GPC5: variants seen among roughly 807,000 people sequenced by gnomAD.
GPC5 encodes glypican-5.
A neutral mutation model predicts 53.9 loss-of-function variants in GPC5; 47 were observed. The observed-to-expected ratio is 0.87, with a 90% CI of 0.69 to 1.11. GPC5 has a LOEUF of 1.11. Among genes scored for constraint, GPC5 ranks in the 50% most tolerant of loss-of-function variants. GPC5 has a pLI of 0.00. For missense variants in GPC5, 748 were observed against 713.1 expected, an observed-to-expected ratio of 1.05 and a Z score of -0.56; for synonymous variants, 286 against 263.3, an observed-to-expected ratio of 1.09 and a Z score of -0.84.
chr13:92,534,660 A>C (rs1881666657), intron 7 of GPC5, among the ~76,000 whole-genome samples: 1 of 152,184 alleles, frequency 6.6e-6, no homozygotes, highest in African/African-American at 2.4e-5. Flanking sequence ...TATATGGAAA[A>C]ATATAAGATT....
At chr13:92,662,601 T>C (rs1211717840) in intron 7 of GPC5, among the ~76,000 whole-genome samples, 1 of 152,122 alleles carries the variant, frequency 6.6e-6, no homozygotes, top group Non-Finnish European at 1.5e-5. Flanking sequence ...GCCTACATGA[T>C]TTTTTCCTTT....
rs116365656 is a variant in GPC5 at position 92,293,907 on chromosome 13, A to T, written c.1561+148918A>T. 1.7e-3 allele frequency among the ~76,000 whole-genome samples: 253 copies of T among 152,186 alleles called. 2 individuals are homozygous for T. Among genetic ancestry groups the T allele is most frequent in the African/African-American group, 5.7e-3 (237 of 41,516 alleles). Reference sequence around the variant, plus strand: ...TGAAAGTCTTAATCATAAAGCAATAATGGATTTTGTCAAAATCTTTTTCTG... The same window carrying T: ...TGAAAGTCTTAATCATAAAGCAATATTGGATTTTGTCAAAATCTTTTTCTG... On this transcript the variant is annotated intron_variant, in intron 7 of 7. Coordinates refer to ENST00000377067, the MANE Select transcript of GPC5 (RefSeq NM_004466.6).
intron 5 of GPC5, among the ~76,000 whole-genome samples, chr13:91,856,848 G>A (rs1381675065): frequency 6.6e-6 from 1 of 151,118 alleles, no homozygotes; most frequent in Non-Finnish European, 1.5e-5. Context: ...TGAAGATGGG[G>A]CAGATTTTCT....
chr13:91,557,086 G>A (rs1383948678), intron 2 of GPC5, among the ~76,000 whole-genome samples: 1 of 152,018 alleles, frequency 6.6e-6, no homozygotes, highest in African/African-American at 2.4e-5. Flanking sequence ...GAGTTGCTGG[G>A]TCTTATGGTA....
At chr13:92,228,276 T>A (rs930088724) in intron 7 of GPC5, among the ~76,000 whole-genome samples, 2 of 151,954 alleles carry the variant, frequency 1.3e-5, no homozygotes, top group Non-Finnish European at 2.9e-5. Context: ...TCCAAAGAGT[T>A]GAATGAAACC....
chr13:91,930,247 A>G (rs1255621927), intron 6 of GPC5, among the ~76,000 whole-genome samples: 19 of 152,070 alleles, frequency 1.2e-4, no homozygotes, highest in Admixed American at 1.2e-3. Context: ...ATCAAGAGAA[A>G]AAAGAACACC....
intron 6 of GPC5, among the ~76,000 whole-genome samples, chr13:91,934,060 A>G (rs920405878): frequency 6.6e-6 from 1 of 151,874 alleles, no homozygotes; most frequent in Non-Finnish European, 1.5e-5. Context: ...CTGCTTTAAG[A>G]TAAGTCTTAG....
chr13:92,242,105 C>T (rs1023525593), intron 7 of GPC5, among the ~76,000 whole-genome samples: 1 of 151,914 alleles, frequency 6.6e-6, no homozygotes. Context: ...TGGTGGCAGG[C>T]ACCTGTAATC....
chr13:92,577,410 GTATGTA>G (rs1486919324), intron 7 of GPC5, among the ~76,000 whole-genome samples: 5 of 141,660 alleles, frequency 3.5e-5, no homozygotes, highest in African/African-American at 1.4e-4. Flanking sequence ...ATGTAAGTAT[GTATGTA>G]TATGTGTGTG....
intron 6 of GPC5, among the ~76,000 whole-genome samples, chr13:92,062,261 T>G (rs1375982512): frequency 1.3e-5 from 2 of 151,948 alleles, no homozygotes; most frequent in Non-Finnish European, 2.9e-5. Context: ...GATTTTCATC[T>G]ATAAAAGACA....
intron 2 of GPC5, among the ~76,000 whole-genome samples, chr13:91,585,677 A>G (rs1182020692): frequency 6.6e-6 from 1 of 152,156 alleles, no homozygotes; most frequent in African/African-American, 2.4e-5. Context: ...GTCTTCCAAG[A>G]TGCTGGTGAT....
At chr13:92,321,668 T>A (rs1476515301) in intron 7 of GPC5, among the ~76,000 whole-genome samples, 1 of 152,156 alleles carries the variant, frequency 6.6e-6, no homozygotes, top group Non-Finnish European at 1.5e-5. Context: ...ATTAGTCAAA[T>A]CAAATTATTG....
chr13:92,426,787 T>G (rs1353023900), intron 7 of GPC5, among the ~76,000 whole-genome samples: 3 of 151,778 alleles, frequency 2.0e-5, no homozygotes, highest in Non-Finnish European at 4.4e-5. Flanking sequence ...GGGCAAAAAG[T>G]GGTAAAAATT....
intron 6 of GPC5, among the ~76,000 whole-genome samples, chr13:91,948,345 A>G (rs1208104392): frequency 2.0e-5 from 3 of 152,018 alleles, no homozygotes; most frequent in Non-Finnish European, 4.4e-5. Context: ...GTGAAATTTG[A>G]AAAAGAAATT....
At chr13:92,408,838 T>C (rs1875917074) in intron 7 of GPC5, among the ~76,000 whole-genome samples, 1 of 152,074 alleles carries the variant, frequency 6.6e-6, no homozygotes, top group Non-Finnish European at 1.5e-5. Flanking sequence ...GGTGGTATTC[T>C]CTTATAAAAT....
At chr13:92,579,274 C>CCT (rs1161169576) in intron 7 of GPC5, among the ~76,000 whole-genome samples, 218 of 15,994 alleles carry the variant, frequency 0.014, 14 homozygotes, top group African/African-American at 0.062. Context: ...TCCCTCCCTC[C>CCT]CTCTCTCTCT....
At chr13:92,608,161 T>A (rs1884315396) in intron 7 of GPC5, among the ~76,000 whole-genome samples, 1 of 152,208 alleles carries the variant, frequency 6.6e-6, no homozygotes, top group African/African-American at 2.4e-5. Context: ...AGGCTATTAG[T>A]AAGGCTATTA....
At chr13:91,908,598 T>A (rs1015966024) in intron 6 of GPC5, among the ~76,000 whole-genome samples, 1 of 152,172 alleles carries the variant, frequency 6.6e-6, no homozygotes, top group Non-Finnish European at 1.5e-5. Flanking sequence ...ATGTTTTTCA[T>A]CAAGTAGTGT....
intron 7 of GPC5, among the ~76,000 whole-genome samples, chr13:92,235,026 G>A (rs528447699): frequency 7.8e-4 from 118 of 152,208 alleles, no homozygotes; most frequent in African/African-American, 2.7e-3. Flanking sequence ...AGGTCCCTAA[G>A]AAAATCTTAA....
Sources: allele counts gnomAD v4.1 joint callset (sites outside exome capture counted in the v4.1 genomes callset), GRCh38; gene constraint gnomAD v4.1.1; transcripts MANE v1.5; gene names NCBI Gene and HGNC (gene_info 2026-07-23, HGNC 2026-07-21).